Variants in CNTN4 observed in about 807,000 individuals in gnomAD.
CNTN4 encodes contactin 4.
Under a neutral mutation model 122.5 loss-of-function variants are expected in CNTN4, and 77 were observed. The ratio of observed to expected loss-of-function variants is 0.63; its 90% CI spans 0.52 to 0.76. The LOEUF is 0.76. Among genes scored for constraint, CNTN4 ranks in the 30% least tolerant of loss-of-function variants. The pLI, the probability that CNTN4 is intolerant of heterozygous loss-of-function variation, is 0.00. For synonymous variants in CNTN4, 512 were observed against 447.0 expected (o/e 1.15, Z -1.83); for missense variants, 1,256 against 1,259.1 (o/e 1.00, Z 0.04).
chr3:2,465,821 C>A (rs993573181), intron 3 of CNTN4, among the ~76,000 whole-genome samples: 26 of 152,144 alleles, frequency 1.7e-4, no homozygotes, highest in African/African-American at 6.0e-4. Flanking sequence ...CTTTGTTGGT[C>A]CTTTTCTGAC....
chr3:2,705,794 A>G (rs1267813756), intron 4 of CNTN4, among the ~76,000 whole-genome samples: 1 of 104,918 alleles, frequency 9.5e-6, no homozygotes, highest in Non-Finnish European at 1.7e-5. Context: ...CATAATATAT[A>G]TTTGTTATAT....
At chr3:2,127,343 C>T (rs922276459) in intron 2 of CNTN4, among the ~76,000 whole-genome samples, 6 of 152,116 alleles carry the variant, frequency 3.9e-5, no homozygotes, top group East Asian at 1.9e-4. Flanking sequence ...TAGTGGGTGC[C>T]GCTCCTCCCT....
At chr3:2,899,334 CT>C (rs1197202625) in intron 10 of CNTN4, among the ~76,000 whole-genome samples, 1 of 152,176 alleles carries the variant, frequency 6.6e-6, no homozygotes. Flanking sequence ...GTCAAGTCAG[CT>C]GGAAGAGATG....
intron 3 of CNTN4, among the ~76,000 whole-genome samples, chr3:2,546,693 T>A (rs2078260068): frequency 6.6e-6 from 1 of 152,028 alleles, no homozygotes; most frequent in Admixed American, 6.6e-5. Flanking sequence ...AGTCCCAATG[T>A]AAGAGACAAA....
intron 13 of CNTN4, among the ~76,000 whole-genome samples, chr3:2,957,648 T>C (rs1254007713): frequency 6.6e-6 from 1 of 152,146 alleles, no homozygotes; most frequent in Non-Finnish European, 1.5e-5. Context: ...TCTATGTCCA[T>C]GTGTACTCAA....
intron 2 of CNTN4, among the ~76,000 whole-genome samples, chr3:2,126,577 C>T (rs551167887): frequency 6.6e-6 from 1 of 152,080 alleles, no homozygotes; most frequent in African/African-American, 2.4e-5. Context: ...AGTTCTGTAG[C>T]CCTGTGCTTG....
At chr3:2,444,467 C>G (rs969521670) in intron 3 of CNTN4, among the ~76,000 whole-genome samples, 10 of 152,032 alleles carry the variant, frequency 6.6e-5, no homozygotes, top group Non-Finnish European at 1.3e-4. Flanking sequence ...CTTGGAAGCT[C>G]ATTTACCGTA....
intron 2 of CNTN4, among the ~76,000 whole-genome samples, chr3:2,246,420 AT>A (rs1176236824): frequency 1.3e-5 from 2 of 151,956 alleles, no homozygotes; most frequent in East Asian, 1.9e-4. Flanking sequence ...ATCATATTAC[AT>A]TTTTTTGAGT....
At chr3:2,245,794 C>G (rs975408511) in intron 2 of CNTN4, among the ~76,000 whole-genome samples, 6 of 152,006 alleles carry the variant, frequency 3.9e-5, no homozygotes, top group Admixed American at 2.0e-4. Context: ...TTTCAGCTAC[C>G]TGTAACTATG....
At chr3:2,422,685 T>A (rs533415416) in intron 3 of CNTN4, among the ~76,000 whole-genome samples, 1 of 152,320 alleles carries the variant, frequency 6.6e-6, no homozygotes, top group African/African-American at 2.4e-5. Context: ...CTTAAAATAA[T>A]TCAGAATTGG....
intron 2 of CNTN4, among the ~76,000 whole-genome samples, chr3:2,331,732 T>G (rs933752043): frequency 6.6e-6 from 1 of 152,174 alleles, no homozygotes; most frequent in African/African-American, 2.4e-5. Context: ...GCCTGTCTAT[T>G]GGAACTCAGG....
chr3:2,591,578 A>G (rs1207186730), intron 4 of CNTN4, among the ~76,000 whole-genome samples: 1 of 52,336 alleles, frequency 1.9e-5, no homozygotes, highest in Non-Finnish European at 4.8e-5. Flanking sequence ...TTTAGCCAGG[A>G]TGGTCTCGAT....
intron 6 of CNTN4, among the ~76,000 whole-genome samples, chr3:2,802,038 C>G (rs1334868651): frequency 6.6e-6 from 1 of 152,170 alleles, no homozygotes; most frequent in Non-Finnish European, 1.5e-5. Flanking sequence ...ATTATTATTA[C>G]AACTACTTCT....
intron 14 of CNTN4, among the ~76,000 whole-genome samples, chr3:3,009,568 G>A (rs888039150): frequency 6.4e-5 from 9 of 141,306 alleles, no homozygotes; most frequent in African/African-American, 2.4e-4. Flanking sequence ...CGAGTAGCTG[G>A]GACTACAGGC....
rs1207222887 is a variant in CNTN4 at position 3,019,763 on chromosome 3, CAAATATATATAT to C, written c.1487-6337_1487-6326del. On this transcript the variant is annotated intron_variant, in intron 14 of 24. Coordinates refer to ENST00000418658, the MANE Select transcript of CNTN4 (RefSeq NM_175607.3). ...GAGAAGGGGTGTGTGTGTGTGTACACAAATATATATATATATATATATATATATATATATACA... is the reference window on the plus strand; with the variant it reads ...GAGAAGGGGTGTGTGTGTGTGTACACATATATATATATATATATATATACA... 2.1e-4 allele frequency among the ~76,000 whole-genome samples: 12 copies of C among 58,494 alleles called. 2 individuals are homozygous for C. In the East Asian group the frequency reaches 6.3e-3, roughly 31 times the overall value. The allele number at this position is 58,494 out of a possible 152,430, so 38.4% of individuals were successfully genotyped here.
intron 2 of CNTN4, among the ~76,000 whole-genome samples, chr3:2,258,975 C>T (rs368033071): frequency 6.6e-6 from 1 of 152,080 alleles, no homozygotes; most frequent in Admixed American, 6.6e-5. Flanking sequence ...TCATTTGTTT[C>T]TTATAACCTT....
chr3:2,445,675 T>C (rs1490853034), intron 3 of CNTN4, among the ~76,000 whole-genome samples: 3 of 152,200 alleles, frequency 2.0e-5, no homozygotes, highest in East Asian at 1.9e-4. Context: ...ATTATATTAA[T>C]AGTAATTCAC....
chr3:3,006,558 G>C (rs930007601), intron 14 of CNTN4, among the ~76,000 whole-genome samples: 2 of 152,116 alleles, frequency 1.3e-5, no homozygotes, highest in Admixed American at 6.5e-5. Context: ...TCAAGCTAAG[G>C]CCCAATAATT....
Position 2,417,931 on chromosome 3 carries a change from G to C in CNTN4, c.-89+78698G>C, listed in dbSNP as rs546331154. On this transcript the variant is annotated intron_variant, in intron 3 of 24. Coordinates refer to ENST00000418658, the MANE Select transcript of CNTN4 (RefSeq NM_175607.3). ...TCCAACTATATGACATTCTGGAAAA[G>C]GTAGAATGACTATGGGAAGAGTAAA... Among the ~76,000 whole-genome samples the C allele has an allele frequency of 5.3e-5, 8 of 152,258 alleles. No homozygotes were observed. The South Asian group carries it at 1.5e-3, about 28-fold the overall frequency.
Sources: gnomAD v4.1 joint callset for allele counts (sites outside exome capture counted in the v4.1 genomes callset) on GRCh38, gnomAD v4.1.1 for gene constraint, MANE v1.5 for transcripts, NCBI Gene and HGNC (gene_info 2026-07-23, HGNC 2026-07-21) for gene names.